Variants in ZBTB7C observed in about 807,000 individuals in gnomAD.
ZBTB7C encodes zinc finger and BTB domain-containing protein 7C.
ZBTB7C carries 8 observed loss-of-function variants against 25.7 expected under a neutral mutation model. The ratio of observed to expected loss-of-function variants is 0.31; its 90% CI spans 0.18 to 0.56. The LOEUF is 0.56. Among genes scored for constraint, ZBTB7C ranks in the 20% least tolerant of loss-of-function variants. The pLI, the probability that ZBTB7C is intolerant of heterozygous loss-of-function variation, is 0.91. For synonymous variants in ZBTB7C, 394 were observed against 369.0 expected (o/e 1.07, Z -0.78); for missense variants, 824 against 855.2 (o/e 0.96, Z 0.46).
rs186990033 is a variant in ZBTB7C, at chr18:48,318,723, T to G, written c.-79+19451A>C. Among the ~76,000 whole-genome samples, 763 of 152,302 alleles carry G rather than the reference T, an allele frequency of 5.0e-3. 5 individuals are homozygous for G. The highest frequency in any genetic ancestry group is 0.018 in the African/African-American group (737 of 41,568). ...GTTTGCTGAATCCTGTGCCCAGCCC[T>G]CAGGCTCCGCACCACTTTCATTGGT... On this transcript the variant is annotated intron_variant, in intron 2 of 4. Transcript: ENST00000590800.
intron 2 of ZBTB7C, among the ~76,000 whole-genome samples, chr18:48,303,367 A>T (rs1282992835): frequency 6.6e-6 from 1 of 152,196 alleles, no homozygotes; most frequent in Non-Finnish European, 1.5e-5. Context: ...TCCAGAATCT[A>T]TCTATAAGAC....
At chr18:48,248,590 G>A (rs1221689355) in intron 2 of ZBTB7C, among the ~76,000 whole-genome samples, 2 of 152,016 alleles carry the variant, frequency 1.3e-5, no homozygotes, top group East Asian at 3.9e-4. Context: ...TTGCTGCCAT[G>A]CTTATTAGTT....
intron 3 of ZBTB7C, among the ~76,000 whole-genome samples, chr18:48,136,161 C>G (rs1002389096): frequency 6.6e-6 from 1 of 152,104 alleles, no homozygotes; most frequent in African/African-American, 2.4e-5. Flanking sequence ...GCGGCCGCTG[C>G]GCCCGCCTGC....
chr18:48,323,363 C>A (rs1170345151), intron 2 of ZBTB7C, among the ~76,000 whole-genome samples: 1 of 152,164 alleles, frequency 6.6e-6, no homozygotes, highest in Non-Finnish European at 1.5e-5. Flanking sequence ...ATAATCCTCA[C>A]AACATTCCTC....
chr18:48,032,371 T>C (rs1413985284), intron 4 of ZBTB7C, among the ~76,000 whole-genome samples: 4 of 140,276 alleles, frequency 2.9e-5, no homozygotes, highest in Non-Finnish European at 6.1e-5. Context: ...CACCTCGGCC[T>C]CCCAAAGTGT....
chr18:48,124,295 T>C (rs1303460709), intron 3 of ZBTB7C, among the ~76,000 whole-genome samples: 2 of 152,176 alleles, frequency 1.3e-5, no homozygotes, highest in Non-Finnish European at 2.9e-5. Flanking sequence ...CTCATGTGAA[T>C]GTATTAGGAG....
At chr18:48,395,973 G>A (rs1357430949) in intron 1 of ZBTB7C, among the ~76,000 whole-genome samples, 2 of 152,232 alleles carry the variant, frequency 1.3e-5, no homozygotes, top group Admixed American at 1.3e-4. Flanking sequence ...GTGGAATCTG[G>A]TGCATCAGAA....
At chr18:48,145,071 G>A (rs948897507) in intron 3 of ZBTB7C, among the ~76,000 whole-genome samples, 1 of 152,068 alleles carries the variant, frequency 6.6e-6, no homozygotes, top group Non-Finnish European at 1.5e-5. Flanking sequence ...ACCGAGACTG[G>A]GTTGCAGTCT....
chr18:48,182,382 T>A (rs570448790), intron 3 of ZBTB7C, among the ~76,000 whole-genome samples: 4 of 152,306 alleles, frequency 2.6e-5, no homozygotes, highest in African/African-American at 9.6e-5. Flanking sequence ...TTGGAAAATG[T>A]ACACTGGCAT....
At chr18:48,164,748 A>G (rs62087435) in intron 3 of ZBTB7C, among the ~76,000 whole-genome samples, 3,446 of 152,202 alleles carry the variant, frequency 0.023, 60 homozygotes, top group Non-Finnish European at 0.034. Context: ...AGTGTGAATA[A>G]CTTAACCACT....
intron 3 of ZBTB7C, among the ~76,000 whole-genome samples, chr18:48,123,437 CTA>C (rs1176526625): frequency 1.3e-5 from 2 of 152,256 alleles, no homozygotes; most frequent in Non-Finnish European, 2.9e-5. Context: ...CATTCAGCGA[CTA>C]TGCAGGGCGT....
intron 2 of ZBTB7C, among the ~76,000 whole-genome samples, chr18:48,232,146 G>A (rs1295220233): frequency 6.6e-6 from 1 of 152,232 alleles, no homozygotes; most frequent in East Asian, 1.9e-4. Context: ...TCAGGCAAAG[G>A]CACTACTGGC....
intron 2 of ZBTB7C, among the ~76,000 whole-genome samples, chr18:48,335,407 C>T (rs1005974996): frequency 3.5e-4 from 54 of 152,156 alleles, no homozygotes; most frequent in Non-Finnish European, 7.3e-5. Flanking sequence ...GCTCAGAGAC[C>T]TTCAGGAACC....
intron 3 of ZBTB7C, among the ~76,000 whole-genome samples, chr18:48,048,266 A>G (rs1417103536): frequency 6.6e-6 from 1 of 152,146 alleles, no homozygotes; most frequent in African/African-American, 2.4e-5. Context: ...GAAGAGTAGA[A>G]AGCATTTTGT....
chr18:48,271,419 A>G (rs924212763), intron 2 of ZBTB7C, among the ~76,000 whole-genome samples: 1 of 151,366 alleles, frequency 6.6e-6, no homozygotes, highest in Non-Finnish European at 1.5e-5. Flanking sequence ...TATTTCATAC[A>G]TATATCAAAT....
chr18:48,358,156 GCCT>G, intron 1 of ZBTB7C, among the ~76,000 whole-genome samples: 1 of 152,162 alleles, frequency 6.6e-6, no homozygotes, highest in African/African-American at 2.4e-5. Context: ...TTCGAGAACA[GCCT>G]GGCCAACAAT....
intron 2 of ZBTB7C, among the ~76,000 whole-genome samples, chr18:48,286,880 C>G (rs1383537453): frequency 6.6e-6 from 1 of 151,988 alleles, no homozygotes; most frequent in Non-Finnish European, 1.5e-5. Context: ...GGCAAACCCC[C>G]CTCTTGACAA....
At chr18:48,136,961 G>A (rs1396799162) in intron 3 of ZBTB7C, 1 of 977,156 alleles carries the variant, frequency 1.0e-6, no homozygotes, top group African/African-American at 1.8e-5. Flanking sequence ...GCTCCCCAGA[G>A]CCCCGATCCT....
intron 2 of ZBTB7C, among the ~76,000 whole-genome samples, chr18:48,209,736 C>T (rs1037505008): frequency 4.0e-5 from 6 of 148,862 alleles, no homozygotes; most frequent in Non-Finnish European, 8.9e-5. Context: ...ACCTGGGCAA[C>T]AGAACAAGAT....
Sources: gnomAD v4.1 joint callset for allele counts (sites outside exome capture counted in the v4.1 genomes callset) on GRCh38, gnomAD v4.1.1 for gene constraint, MANE v1.5 for transcripts, NCBI Gene and HGNC (gene_info 2026-07-23, HGNC 2026-07-21) for gene names.